Variants in SIRT5 observed in about 807,000 individuals in gnomAD.
The protein encoded by SIRT5 is NAD-dependent protein deacylase sirtuin-5, mitochondrial.
SIRT5 carries 26 observed loss-of-function variants against 40.0 expected under a neutral mutation model. The observed-to-expected ratio is 0.65, with a 90% CI of 0.48 to 0.90. The LOEUF is 0.90. Among genes scored for constraint, SIRT5 ranks in the 40% least tolerant of loss-of-function variants. The pLI is 0.00. For missense variants in SIRT5, 401 were observed against 402.4 expected (o/e 1.00, Z 0.03); for synonymous variants, 146 against 149.1 (o/e 0.98, Z 0.15).
intron 9 of SIRT5, among the ~76,000 whole-genome samples, chr6:13,602,290 A>G (rs1762494151): frequency 6.6e-6 from 1 of 152,342 alleles, no homozygotes; most frequent in South Asian, 2.1e-4. Flanking sequence ...AAAATAGCCA[A>G]AACAAAATGA....
chr6:13,591,540 C>A, intron 4 of SIRT5, 129 bp from the exon 5 acceptor site: 1 of 719,708 alleles, frequency 1.4e-6, no homozygotes, highest in Non-Finnish European at 2.2e-6. Context: ...GAACATAGTG[C>A]TGCCATCTCC....
chr6:13,575,896 A>G (rs1758566776), intron 1 of SIRT5, among the ~76,000 whole-genome samples: 1 of 152,184 alleles, frequency 6.6e-6, no homozygotes, highest in Non-Finnish European at 1.5e-5. Context: ...TATAAGTAAG[A>G]TCATGTGCTG....
At chr6:13,595,415 A>C in intron 5 of SIRT5, 62 bp from the exon 6 acceptor site, 1 of 1,237,454 alleles carries the variant, frequency 8.1e-7, no homozygotes, top group Admixed American at 1.7e-5. Flanking sequence ...ACCCTTTTAG[A>C]CATGGAGAAG....
intron 2 of SIRT5, among the ~76,000 whole-genome samples, chr6:13,579,862 C>CA (rs1165548505): frequency 9.9e-5 from 15 of 152,276 alleles, no homozygotes; most frequent in African/African-American, 3.6e-4. Flanking sequence ...CAGATTTTAA[C>CA]AAAAAACCCA....
intron 1 of SIRT5, among the ~76,000 whole-genome samples, chr6:13,576,221 A>G (rs1322262139): frequency 1.3e-5 from 2 of 152,196 alleles, no homozygotes; most frequent in Non-Finnish European, 2.9e-5. Context: ...GATTTTGAGG[A>G]GCCTCCATAC....
chr6:13,588,334 T>C lies in SIRT5; in HGVS notation c.119T>C (p.Met40Thr), dbSNP rs1247118286. The change falls in exon 4 of 10, where the codon ATG becomes ACG. Residue 40 changes from methionine to threonine, a missense_variant. Met to Thr is a moderately conservative substitution (Grantham distance 81). Transcript: ENST00000606117. ...CLKMARPSSS[M>T]ADFRKFFAKA... is the part of the protein sequence containing the mutation. ...ATAAAGATTTCACTCTGTTTAGGTATGGCAGATTTTCGAAAGTTTTTTGCA... is the reference window on the plus strand; with the variant it reads ...ATAAAGATTTCACTCTGTTTAGGTACGGCAGATTTTCGAAAGTTTTTTGCA... The C allele has an allele frequency of 2.5e-6, 4 of 1,613,674 alleles. No homozygotes were observed. The Admixed American group carries it at 5.0e-5, about 20-fold the overall frequency.
chr6:13,614,255 C>T lies in SIRT5; in HGVS notation c.*2390C>T, dbSNP rs894697555. On this transcript the variant is annotated 3_prime_UTR_variant, in exon 10 of 10. Transcript: ENST00000606117. ...AAGCTGTTATGAAGTGCAGAAACTA[C>T]ACAGACATTTGTGCGGGTTCAGACC... 2 of 152,180 alleles carry T rather than the reference C, an allele frequency of 1.3e-5. No homozygotes were observed. The highest frequency in any genetic ancestry group is 1.3e-4 in the Admixed American group (2 of 15,278). The allele number at this position is 152,180 out of a possible 1,614,324, so 9.4% of individuals were successfully genotyped here. A position where few individuals can be genotyped will look rare whatever the true frequency, so the allele number is the denominator to read the frequency against.
In SIRT5 at chr6:13,604,748, T is replaced by A. The variant is rs1388851658; in HGVS notation, c.857+3799T>A. 4 of 1,288,920 alleles carry A rather than the reference T, an allele frequency of 3.1e-6. No homozygotes were observed. In the East Asian group the frequency reaches 1.1e-4, roughly 35 times the overall value. 79.8% of individuals were successfully genotyped at this position (1,288,920 alleles called of 1,614,324 possible). A position where few individuals can be genotyped will look rare whatever the true frequency, so the allele number is the denominator to read the frequency against. ...CAGGAGAGATTCTTGGCATGTAATA[T>A]ATATCACTGCTCAAGTCAAGCCTCC... On this transcript the variant is annotated intron_variant, in intron 9 of 9. Coordinates refer to ENST00000606117, the MANE Select transcript of SIRT5 (RefSeq NM_012241.5).
Position 13,611,929 on chromosome 6 carries a change from G to T in SIRT5, c.*64G>T. ...ACTAGGCCACACGCAGAGGAGAAAT[G>T]GTCTTATGGGTGGTGAGCTGAGTAC... On this transcript the variant is annotated 3_prime_UTR_variant, in exon 10 of 10. Coordinates refer to ENST00000606117, the MANE Select transcript of SIRT5 (RefSeq NM_012241.5). 1 of 1,483,674 alleles carries T rather than the reference G, an allele frequency of 6.7e-7. No homozygotes were observed. Among genetic ancestry groups the T allele is most frequent in the Non-Finnish European group, 9.4e-7 (1 of 1,064,390 alleles). 91.9% of individuals were successfully genotyped at this position (1,483,674 alleles called of 1,614,324 possible).
At chr6:13,578,036 T>G (rs1305436330) in intron 1 of SIRT5, among the ~76,000 whole-genome samples, 1 of 151,874 alleles carries the variant, frequency 6.6e-6, no homozygotes, top group Non-Finnish European at 1.5e-5. Flanking sequence ...TTTTGTCACA[T>G]GTTTTACTGC....
Position 13,612,116 on chromosome 6 carries a change from T to C in SIRT5, c.*251T>C, listed in dbSNP as rs1369885199. The C allele has an allele frequency of 3.1e-6, 1 of 318,188 alleles. No individual in the cohort carries two copies. The highest frequency in any genetic ancestry group is 5.7e-6 in the Non-Finnish European group (1 of 174,012). The allele number at this position is 318,188 out of a possible 1,614,324, so 19.7% of individuals were successfully genotyped here. On this transcript the variant is annotated 3_prime_UTR_variant, in exon 10 of 10. Transcript: ENST00000606117. The stretch of plus-strand genomic sequence containing the variant: ...GAACTGAAACGTGAGGTATCTTTGA[T>C]GTGTATGGTTGGTTATTGGGAGGGA...
At chr6:13,588,624 A>G (rs1251630752) in intron 4 of SIRT5, among the ~76,000 whole-genome samples, 160 bp downstream of exon 4, 1 of 152,242 alleles carries the variant, frequency 6.6e-6, no homozygotes, top group Non-Finnish European at 1.5e-5. Context: ...CAAAGTTTCT[A>G]TGATTAAGAT....
intron 6 of SIRT5, among the ~76,000 whole-genome samples, 183 bp from the exon 7 acceptor site, chr6:13,596,780 C>T (rs535978679): frequency 3.3e-5 from 5 of 152,324 alleles, no homozygotes; most frequent in Admixed American, 1.3e-4. Flanking sequence ...AGCCACTGTG[C>T]CCAGCACCAC....
rs1339142335 is a variant in SIRT5, at chr6:13,607,767, T to G, written c.858-4023T>G. Among the ~76,000 whole-genome samples, 1 of 152,190 alleles carries G rather than the reference T, an allele frequency of 6.6e-6. No individual in the cohort carries two copies. The highest frequency in any genetic ancestry group is 6.5e-5 in the Admixed American group (1 of 15,282). On this transcript the variant is annotated intron_variant, in intron 9 of 9. Coordinates refer to ENST00000606117, the MANE Select transcript of SIRT5 (RefSeq NM_012241.5). The surrounding 1 kb of genome is among the most constrained non-coding windows in gnomAD (Gnocchi z 4.0). ...CACTGCCATTTTATTTATTTATTGA[T>G]GTTTGAGACAGAGTCTGGCTCTGTT... is the stretch of plus-strand genomic sequence containing the variant.
At chr6:13,600,983 G>A (rs761230766) in intron 9 of SIRT5, 34 bp downstream of exon 9, 1 of 1,520,230 alleles carries the variant, frequency 6.6e-7, no homozygotes. Context: ...AGGGAGATGT[G>A]GGAGGCAGGT....
chr6:13,579,578 A>G lies in SIRT5; in HGVS notation c.-67A>G, dbSNP rs1759070685. The G allele has an allele frequency of 6.6e-6, 1 of 152,256 alleles. No individual in the cohort carries two copies. Among genetic ancestry groups the G allele is most frequent in the African/African-American group, 2.4e-5 (1 of 41,464 alleles). 9.4% of individuals were successfully genotyped at this position (152,256 alleles called of 1,614,324 possible). ...TATATTAGAAAGCAGCCGTGGAGAC[A>G]ACCATCTTCATTTTGGGAGAAATAA... is the stretch of plus-strand genomic sequence containing the variant. On this transcript the variant is annotated 5_prime_UTR_variant, in exon 2 of 10. Coordinates refer to ENST00000606117, the MANE Select transcript of SIRT5 (RefSeq NM_012241.5).
intron 4 of SIRT5, 54 bp downstream of exon 4, chr6:13,588,518 A>T: frequency 6.3e-7 from 1 of 1,579,252 alleles, no homozygotes; most frequent in South Asian, 1.2e-5. Flanking sequence ...ACCATAACAG[A>T]GTTTGACTCA....
intron 5 of SIRT5, 21 bp downstream of exon 5, chr6:13,591,915 C>T: frequency 6.2e-7 from 1 of 1,603,622 alleles, no homozygotes; most frequent in African/African-American, 1.3e-5. Flanking sequence ...CCCAGCCTCC[C>T]ATTCAGGGAA....
chr6:13,588,363 G>A lies in SIRT5; in HGVS notation c.148G>A (p.Ala50Thr). 6.2e-7 allele frequency: 1 copy of A among 1,613,764 alleles called. No individual in the cohort carries two copies. The highest frequency in any genetic ancestry group is 8.5e-7 in the Non-Finnish European group (1 of 1,179,918). ...MADFRKFFAK[A>T]KHIVIISGAG... ...AGATTTTCGAAAGTTTTTTGCAAAA[G>A]CAAAGCACATAGTCATCATCTCAGG... The change falls in exon 4 of 10, where the codon GCA (alanine) becomes ACA (threonine). Residue 50 changes from alanine to threonine, a missense_variant. Physicochemically the swap from Ala to Thr is moderately conservative, Grantham distance 58 (BLOSUM62 0). Transcript: ENST00000606117.
Sources: allele counts gnomAD v4.1 joint callset (sites outside exome capture counted in the v4.1 genomes callset), GRCh38; gene constraint gnomAD v4.1.1; non-coding constraint Gnocchi (gnomAD v3.1); transcripts MANE v1.5; gene names NCBI Gene and HGNC (gene_info 2026-07-23, HGNC 2026-07-21).